Variants in ARMH4 observed in about 807,000 individuals in gnomAD.
ARMH4 encodes armadillo like helical domain containing 4, also known as armadillo-like helical domain-containing protein 4.
Under a neutral mutation model 61.9 loss-of-function variants are expected in ARMH4, and 49 were observed. That is an observed-to-expected ratio of 0.79 (90% CI 0.63 to 1.00). The LOEUF is 1.00. ARMH4 is among the 50% of genes least tolerant of loss of function. The pLI, the probability that ARMH4 is intolerant of heterozygous loss-of-function variation, is 0.00. For missense variants in ARMH4, 934 were observed against 930.0 expected (o/e 1.00, Z -0.06); for synonymous variants, 368 against 341.5 (o/e 1.08, Z -0.85).
rs1285105618 is a variant in ARMH4, at chr14:58,026,594, C to T, written c.2090-14444G>A. Among the ~76,000 whole-genome samples, 4 of 152,126 alleles carry T rather than the reference C, an allele frequency of 2.6e-5. No homozygotes were observed. The East Asian group carries it at 7.7e-4, about 29-fold the overall frequency. ...CTTTCTGAAGTTCAGTATCATCAAG[C>T]TTCCAGTGCAAAGTCAAGTTTGTGT... On this transcript the variant is annotated intron_variant, in intron 5 of 7. Coordinates refer to ENST00000267485, the MANE Select transcript of ARMH4 (RefSeq NM_001001872.4).
At chr14:58,141,936 T>C (rs1025108189) in intron 1 of ARMH4, among the ~76,000 whole-genome samples, 1 of 152,204 alleles carries the variant, frequency 6.6e-6, no homozygotes, top group Non-Finnish European at 1.5e-5. Flanking sequence ...TAGCAATCTT[T>C]ATTGAATACC....
intron 4 of ARMH4, among the ~76,000 whole-genome samples, chr14:58,106,118 T>C (rs574764708): frequency 3.0e-4 from 45 of 152,230 alleles, no homozygotes; most frequent in Non-Finnish European, 6.2e-4. Context: ...CTTTTCACTC[T>C]TGTTGAACCA....
At chr14:58,097,059 C>T in intron 4 of ARMH4, 78 bp from the exon 5 acceptor site, 1 of 1,418,926 alleles carries the variant, frequency 7.0e-7, no homozygotes, top group Non-Finnish European at 9.8e-7. Context: ...TGGAAATGAT[C>T]CAAACACTAC....
At chr14:58,150,548 T>C (rs1887887379) in intron 1 of ARMH4, among the ~76,000 whole-genome samples, 1 of 152,162 alleles carries the variant, frequency 6.6e-6, no homozygotes, top group Non-Finnish European at 1.5e-5. Flanking sequence ...AATTATAATA[T>C]TGTAAAGGTC....
At chr14:58,125,381 T>C (rs764659226) in intron 4 of ARMH4, among the ~76,000 whole-genome samples, 3 of 152,230 alleles carry the variant, frequency 2.0e-5, no homozygotes, top group Admixed American at 1.3e-4. Context: ...TCACCAAACC[T>C]TTCAGTTAGG....
chr14:58,085,403 A>G (rs1463259999), intron 5 of ARMH4, among the ~76,000 whole-genome samples: 1 of 132,358 alleles, frequency 7.6e-6, no homozygotes, highest in East Asian at 2.1e-4. Flanking sequence ...TCATATTTCA[A>G]TAATTCCCCA....
At chr14:58,008,536 T>C (rs912575643) in intron 6 of ARMH4, among the ~76,000 whole-genome samples, 5 of 152,224 alleles carry the variant, frequency 3.3e-5, no homozygotes, top group Non-Finnish European at 2.9e-5. Context: ...TTATTCAGAA[T>C]AGCTGTCATC....
chr14:58,004,571 A>G lies in ARMH4; in HGVS notation c.*165T>C, dbSNP rs2256270. The G allele has an allele frequency of 0.35, 208,920 of 594,888 alleles. 38,221 individuals carry two copies. The highest frequency in any genetic ancestry group is 0.56 in the East Asian group (21,167 of 38,002). The allele number at this position is 594,888 out of a possible 1,614,324, so 36.9% of individuals were successfully genotyped here. On this transcript the variant is annotated 3_prime_UTR_variant, in exon 8 of 8. Coordinates refer to ENST00000267485, the MANE Select transcript of ARMH4 (RefSeq NM_001001872.4). ...TGATACGTTTAGTATACAACATGCCATTTCTGCTCAGTACAAGAAAAATCT... is the reference window on the plus strand; with the variant it reads ...TGATACGTTTAGTATACAACATGCCGTTTCTGCTCAGTACAAGAAAAATCT...
chr14:58,040,227 G>T (rs896535523), intron 5 of ARMH4, among the ~76,000 whole-genome samples: 1 of 151,890 alleles, frequency 6.6e-6, no homozygotes, highest in African/African-American at 2.4e-5. Flanking sequence ...AGGTAAACTC[G>T]TGTCACAGGG....
In ARMH4 at chr14:58,139,268, T is replaced by C; in HGVS notation, c.91A>G (p.Ile31Val). 6.2e-6 allele frequency: 10 copies of C among 1,614,118 alleles called. No individual in the cohort carries two copies. Among genetic ancestry groups the C allele is most frequent in the Non-Finnish European group, 8.5e-6 (10 of 1,180,014 alleles). The change falls in exon 2 of 8, where the codon ATA (isoleucine) becomes GTA (valine). Residue 31 changes from isoleucine to valine, a missense_variant. Coordinates refer to ENST00000267485, the MANE Select transcript of ARMH4 (RefSeq NM_001001872.4). ...VATQCLAFPK[I>V]ERRREIAHVH... ...TGTGCTATCTCCCTCCTCCTTTCTA[T>C]TTTGGGGAAGGCCAGACATTGTGTG...
intron 4 of ARMH4, among the ~76,000 whole-genome samples, chr14:58,129,527 T>C (rs1451225001): frequency 6.6e-6 from 1 of 152,228 alleles, no homozygotes; most frequent in Non-Finnish European, 1.5e-5. Flanking sequence ...TACCTGCCTC[T>C]AGGCATAAGC....
intron 5 of ARMH4, among the ~76,000 whole-genome samples, chr14:58,073,352 G>A (rs1484293891): frequency 6.6e-6 from 1 of 152,160 alleles, no homozygotes; most frequent in Non-Finnish European, 1.5e-5. Context: ...TCAATCTGCT[G>A]GTTATGCTAT....
At chr14:58,056,998 A>C (rs1884368769) in intron 5 of ARMH4, among the ~76,000 whole-genome samples, 1 of 152,080 alleles carries the variant, frequency 6.6e-6, no homozygotes, top group Admixed American at 6.6e-5. Context: ...CCAGACATCA[A>C]CAATGCCCTA....
chr14:58,133,834 T>C (rs972159508), intron 2 of ARMH4, among the ~76,000 whole-genome samples: 1 of 152,212 alleles, frequency 6.6e-6, no homozygotes, highest in African/African-American at 2.4e-5. Flanking sequence ...TTAAACACCA[T>C]GCGAAGTGCA....
chr14:58,111,544 T>G (rs1224547745), intron 4 of ARMH4, among the ~76,000 whole-genome samples: 3 of 152,202 alleles, frequency 2.0e-5, no homozygotes, highest in African/African-American at 4.8e-5. Flanking sequence ...AGGTTAGAAG[T>G]CCAAGATCAA....
At chr14:58,144,579 C>T (rs567298197) in intron 1 of ARMH4, among the ~76,000 whole-genome samples, 19 of 151,968 alleles carry the variant, frequency 1.3e-4, no homozygotes, top group Middle Eastern at 3.4e-3. Flanking sequence ...AACAACAAAA[C>T]ATATGAGGCC....
At chr14:58,118,051 CT>C (rs1886590722) in intron 4 of ARMH4, among the ~76,000 whole-genome samples, 1 of 152,192 alleles carries the variant, frequency 6.6e-6, no homozygotes, top group Non-Finnish European at 1.5e-5. Context: ...CCGTTTTCCA[CT>C]CACTTATTCT....
intron 5 of ARMH4, among the ~76,000 whole-genome samples, chr14:58,066,946 A>G (rs1430302869): frequency 6.6e-6 from 1 of 152,222 alleles, no homozygotes; most frequent in African/African-American, 2.4e-5. Flanking sequence ...AGTTTGCTTG[A>G]CTAATCTACA....
intron 6 of ARMH4, among the ~76,000 whole-genome samples, chr14:58,008,990 C>A (rs774651084): frequency 6.6e-6 from 1 of 152,122 alleles, no homozygotes; most frequent in South Asian, 2.1e-4. Flanking sequence ...TAATGGGTAG[C>A]CAAGTTAAAA....
Sources: allele counts gnomAD v4.1 joint callset (sites outside exome capture counted in the v4.1 genomes callset), GRCh38; gene constraint gnomAD v4.1.1; transcripts MANE v1.5; gene names NCBI Gene and HGNC (gene_info 2026-07-23, HGNC 2026-07-21).